Variants in KCNA3 observed in about 807,000 individuals in gnomAD.
KCNA3 encodes the protein potassium voltage-gated channel subfamily A member 3.
A neutral mutation model predicts 34.3 loss-of-function variants in KCNA3; 18 were observed. The observed-to-expected ratio is 0.52, with a 90% CI of 0.36 to 0.78. The LOEUF is 0.78. KCNA3 is among the 30% of genes least tolerant of loss of function. The pLI is 0.00. For synonymous variants in KCNA3, 324 were observed against 351.7 expected (o/e 0.92, Z 0.88); for missense variants, 587 against 802.5 (o/e 0.73, Z 3.24).
chr1:110,667,744 T>C (rs141820951), downstream of KCNA3, among the ~76,000 whole-genome samples: 62 of 152,298 alleles, frequency 4.1e-4, 1 homozygote, highest in Admixed American at 3.3e-3. Flanking sequence ...AAACGTTTCT[T>C]TTTAAAATGT....
chr1:110,665,381 G>A, the KCNA3 span, among the ~76,000 whole-genome samples: 3 of 152,174 alleles, frequency 2.0e-5, no homozygotes, highest in Admixed American at 1.3e-4. Flanking sequence ...ACTAAATAAG[G>A]GGTGTAAGAG....
chr1:110,673,808 C>T lies in KCNA3; in HGVS notation c.1002G>A (p.Val334=), dbSNP rs755182117. ...GAGTGATAAAATAAGGAATGATGGC[C>T]ACAATGTCGATCAGGTTCATGATGT... The part of the protein sequence containing the change: ...SRNIMNLIDI[V]AIIPYFITLG... Residue 334 remains valine (V), a synonymous_variant, in exon 1 of 1, where the codon GTG becomes GTA. Transcript: ENST00000369769. The surrounding 1 kb of genome is among the most constrained non-coding windows in gnomAD (Gnocchi z 8.8). The T allele has an allele frequency of 1.9e-6, 3 of 1,614,134 alleles. No homozygotes were observed. The highest frequency in any genetic ancestry group is 2.5e-6 in the Non-Finnish European group (3 of 1,180,028).
chr1:110,654,595 T>C, the KCNA3 span: 2 of 152,178 alleles, frequency 1.3e-5, no homozygotes, highest in Non-Finnish European at 2.9e-5. Flanking sequence ...TGCAAACTTA[T>C]ATGTTTAGGT....
At chr1:110,657,342 C>T in the KCNA3 span, among the ~76,000 whole-genome samples, 11 of 152,034 alleles carry the variant, frequency 7.2e-5, no homozygotes, top group Non-Finnish European at 1.2e-4. Context: ...CCACCGCACC[C>T]GGCCCTGTTT....
the KCNA3 span, chr1:110,655,299 T>C: frequency 6.6e-6 from 1 of 152,122 alleles, no homozygotes; most frequent in South Asian, 2.1e-4. Flanking sequence ...CATACAATTT[T>C]ATGGCATTTA....
the KCNA3 span, among the ~76,000 whole-genome samples, chr1:110,663,422 T>C: frequency 6.6e-5 from 10 of 152,204 alleles, no homozygotes; most frequent in Admixed American, 6.5e-4. Flanking sequence ...CATATGTTAG[T>C]TTCAAATTTG....
chr1:110,673,174 G>C lies in KCNA3; in HGVS notation c.1636C>G (p.Pro546Ala), dbSNP rs145738982. Residue 546 changes from proline (P) to alanine (A), a missense_variant, in exon 1 of 1, where the codon CCT becomes GCT. Physicochemically the swap from Pro to Ala is conservative, Grantham distance 27. Coordinates refer to ENST00000369769, the MANE Select transcript of KCNA3 (RefSeq NM_002232.5). The surrounding 1 kb of genome is among the most constrained non-coding windows in gnomAD (Gnocchi z 8.8). ...GCAGTGGAATTGCCCGTTTTGAAAG[G>C]GGTCTGGGGGAAAGCGCTATGGTTC... Reference protein sequence around the residue: ...GMNHSAFPQTPFKTGNSTATC... With the variant: ...GMNHSAFPQTAFKTGNSTATC... 3 of 1,614,106 alleles carry C rather than the reference G, an allele frequency of 1.9e-6. No homozygotes were observed. The highest frequency in any genetic ancestry group is 1.3e-5 in the African/African-American group (1 of 75,006).
chr1:110,663,254 G>A, the KCNA3 span, among the ~76,000 whole-genome samples: 1 of 152,138 alleles, frequency 6.6e-6, no homozygotes, highest in African/African-American at 2.4e-5. Context: ...TAAAACTATA[G>A]ATTTCAATCC....
At chr1:110,671,802 T>A (rs1651899531), downstream of KCNA3, among the ~76,000 whole-genome samples, 1 of 152,224 alleles carries the variant, frequency 6.6e-6, no homozygotes, top group Admixed American at 6.5e-5. Context: ...TTTGTTGGCT[T>A]GAAAGTTCTT....
the KCNA3 span, among the ~76,000 whole-genome samples, chr1:110,662,337 T>C: frequency 1.3e-5 from 2 of 151,982 alleles, no homozygotes; most frequent in Non-Finnish European, 2.9e-5. Flanking sequence ...AATTATCAAA[T>C]TTATGAAGAA....
At chr1:110,671,676 A>AT (rs34775318), downstream of KCNA3, among the ~76,000 whole-genome samples, 4,191 of 147,984 alleles carry the variant, frequency 0.028, 127 homozygotes, top group African/African-American at 0.075. Flanking sequence ...TGGGATCTGT[A>AT]TTTTTTTTTT....
chr1:110,658,055 T>C, the KCNA3 span, among the ~76,000 whole-genome samples: 16 of 152,256 alleles, frequency 1.1e-4, no homozygotes, highest in Admixed American at 3.9e-4. Context: ...ACTTTCATTT[T>C]TTCCTGTAGT....
chr1:110,672,441 A>G (rs1235300439), downstream of KCNA3: 1 of 151,760 alleles, frequency 6.6e-6, no homozygotes, highest in Non-Finnish European at 1.5e-5. Context: ...CGAAAGAATT[A>G]AACTAATTAG....
chr1:110,674,469 C>A lies in KCNA3; in HGVS notation c.341G>T (p.Arg114Leu). 6.2e-7 allele frequency: 1 copy of A among 1,613,976 alleles called. No homozygotes were observed. Among genetic ancestry groups the A allele is most frequent in the South Asian group, 1.1e-5 (1 of 91,076 alleles). ...ERVVINISGL[R>L]FETQLKTLCQ... is the part of the protein sequence containing the mutation. ...AAGGGTCTTCAGCTGCGTCTCGAAG[C>A]GCAGCCCGGAGATGTTGATGACCAC... The change falls in exon 1 of 1, where the codon CGC becomes CTC. Residue 114 changes from arginine (R) to leucine (L), a missense_variant. Arg to Leu is a moderately radical substitution (Grantham distance 102). This residue lies in a region of KCNA3 where 341 missense variants were observed against 355.4 expected (regional missense o/e 0.96). Coordinates refer to ENST00000369769, the MANE Select transcript of KCNA3 (RefSeq NM_002232.5). This position sits in a 1 kb window ranked among gnomAD's most constrained non-coding sequence, Gnocchi z 6.4.
Position 110,673,101 on chromosome 1 carries a change from T to C in KCNA3, c.1709A>G (p.Lys570Arg), listed in dbSNP as rs1403674668. 3 of 1,611,830 alleles carry C rather than the reference T, an allele frequency of 1.9e-6. No individual in the cohort carries two copies. Among genetic ancestry groups the C allele is most frequent in the African/African-American group, 2.7e-5 (2 of 74,890 alleles). ...NNPNSCVNIK[K>R]IFTDV ...CACATATTAAACATCGGTGAATATC[T>C]TTTTGATGTTGACACAAGAGTTGGG... The change falls in exon 1 of 1, where the codon AAG (lysine) becomes AGG (arginine). Residue 570 changes from lysine (K) to arginine (R), a missense_variant. Coordinates refer to ENST00000369769, the MANE Select transcript of KCNA3 (RefSeq NM_002232.5). The surrounding 1 kb of genome is among the most constrained non-coding windows in gnomAD (Gnocchi z 8.8).
At chr1:110,664,623 T>C in the KCNA3 span, among the ~76,000 whole-genome samples, 6 of 152,198 alleles carry the variant, frequency 3.9e-5, no homozygotes, top group Admixed American at 1.3e-4. Context: ...TCATCTCTCC[T>C]TCCAATAGAT....
Position 110,673,307 on chromosome 1 carries a change from G to A in KCNA3, c.1503C>T (p.His501=), listed in dbSNP as rs1387960063. The change falls in exon 1 of 1, where the codon CAC becomes CAT. Residue 501 remains histidine (H), a synonymous_variant. Coordinates refer to ENST00000369769, the MANE Select transcript of KCNA3 (RefSeq NM_002232.5). The surrounding 1 kb of genome is among the most constrained non-coding windows in gnomAD (Gnocchi z 8.8). ...TEGEEQSQYM[H]VGSCQHLSSS... is the part of the protein sequence containing the mutation. ...AGGAGAGGTGCTGGCAACTTCCCAC[G>A]TGCATGTACTGGGATTGCTCTTCCC... is the stretch of plus-strand genomic sequence containing the variant. 3.7e-6 allele frequency: 6 copies of A among 1,613,914 alleles called. No individual in the cohort carries two copies. The East Asian group carries it at 6.7e-5, about 18-fold the overall frequency.
chr1:110,670,335 A>T (rs1302573761), downstream of KCNA3, among the ~76,000 whole-genome samples: 1 of 152,212 alleles, frequency 6.6e-6, no homozygotes, highest in Non-Finnish European at 1.5e-5. Flanking sequence ...ATATTACCTC[A>T]AAGTTATGAG....
downstream of KCNA3, among the ~76,000 whole-genome samples, chr1:110,668,654 T>C (rs1651773570): frequency 6.6e-6 from 1 of 152,162 alleles, no homozygotes; most frequent in African/African-American, 2.4e-5. Context: ...AGTTGGTGTA[T>C]CATGTCATTT....
Sources: gnomAD v4.1 joint callset for allele counts (sites outside exome capture counted in the v4.1 genomes callset) on GRCh38, gnomAD v4.1.1 for gene constraint, gnomAD v4.1.1 regional missense constraint, Gnocchi (gnomAD v3.1) non-coding constraint, MANE v1.5 for transcripts, NCBI Gene and HGNC (gene_info 2026-07-23, HGNC 2026-07-21) for gene names.